The following ABCC4 variants were observed in gnomAD, a reference collection of about 807,000 sequenced individuals.
The protein encoded by ABCC4 is ATP binding cassette subfamily C member 4 (PEL blood group).
In ABCC4, 102 loss-of-function variants were observed where a neutral mutation model predicts 168.5. The ratio of observed to expected loss-of-function variants is 0.61; its 90% CI spans 0.52 to 0.71. The LOEUF is 0.71. ABCC4 is among the 30% of genes least tolerant of loss of function. The pLI, the probability that ABCC4 is intolerant of heterozygous loss-of-function variation, is 0.00. For synonymous variants in ABCC4, 617 were observed against 590.7 expected (o/e 1.04, Z -0.65); for missense variants, 1,402 against 1,605.8 (o/e 0.87, Z 2.17).
intron 1 of ABCC4, among the ~76,000 whole-genome samples, chr13:95,265,199 A>G (rs1594406984): frequency 6.6e-6 from 1 of 152,160 alleles, no homozygotes; most frequent in African/African-American, 2.4e-5. Flanking sequence ...TTCAGATAAC[A>G]AAGGAATAAT....
At chr13:95,246,676 T>C (rs898319943) in intron 3 of ABCC4, among the ~76,000 whole-genome samples, 14 of 152,198 alleles carry the variant, frequency 9.2e-5, no homozygotes, top group Admixed American at 7.9e-4. Flanking sequence ...AGCACCAACA[T>C]TGTCCTACCA....
intron 27 of ABCC4, among the ~76,000 whole-genome samples, chr13:95,051,757 C>T (rs2032847813): frequency 6.6e-6 from 1 of 152,114 alleles, no homozygotes; most frequent in African/African-American, 2.4e-5. Context: ...ACCTCCGCCT[C>T]CCAGGTTCAA....
chr13:95,257,976 C>T (rs4773862), intron 1 of ABCC4, among the ~76,000 whole-genome samples: 4,861 of 152,306 alleles, frequency 0.032, 118 homozygotes, highest in South Asian at 0.066. Context: ...CACACATAAG[C>T]CTCACTTATG....
intron 4 of ABCC4, among the ~76,000 whole-genome samples, chr13:95,222,019 T>C (rs1594327697): frequency 6.6e-6 from 1 of 152,244 alleles, no homozygotes; most frequent in East Asian, 1.9e-4. Flanking sequence ...AAACAGCAGG[T>C]CAGGTCTGAG....
intron 28 of ABCC4, 59 bp from the exon 29 acceptor site, chr13:95,043,846 T>A (rs1054728368): frequency 1.7e-6 from 2 of 1,169,168 alleles, no homozygotes; most frequent in Non-Finnish European, 2.5e-6. Flanking sequence ...ACTTAAGACT[T>A]AAAAAGCTCT....
chr13:95,193,483 G>C (rs937733651), intron 9 of ABCC4, among the ~76,000 whole-genome samples: 3 of 152,132 alleles, frequency 2.0e-5, no homozygotes, highest in African/African-American at 7.2e-5. Flanking sequence ...GCTGATCTCG[G>C]GGTGGCCTCC....
intron 20 of ABCC4, among the ~76,000 whole-genome samples, chr13:95,099,746 T>C (rs2034731549): frequency 6.6e-6 from 1 of 152,190 alleles, no homozygotes; most frequent in Non-Finnish European, 1.5e-5. Flanking sequence ...TTTGCTGCGA[T>C]GCACAAGCGG....
chr13:95,185,491 ACT>A (rs960741857), intron 11 of ABCC4, among the ~76,000 whole-genome samples: 1 of 152,182 alleles, frequency 6.6e-6, no homozygotes, highest in Non-Finnish European at 1.5e-5. Context: ...TGATTGACAG[ACT>A]CTGATATTCC....
chr13:95,040,742 G>A (rs2032321254), intron 29 of ABCC4, among the ~76,000 whole-genome samples: 1 of 152,142 alleles, frequency 6.6e-6, no homozygotes, highest in Non-Finnish European at 1.5e-5. Flanking sequence ...TGTTTCTCCA[G>A]CTGGTTCTGC....
rs9590217 is a variant in ABCC4, at chr13:95,253,659, C to T, written c.75-5906G>A. Among the ~76,000 whole-genome samples, 211 of 151,862 alleles carry T rather than the reference C, an allele frequency of 1.4e-3. 4 individuals carry two copies. In the South Asian group the frequency reaches 0.035, roughly 25 times the overall value. ...ACTCGGGAGGCTGAGGTAGGAGAAT[C>T]GCTTAAACCCAGGAGGCAGAGGTTG... On this transcript the variant is annotated intron_variant, in intron 1 of 30. Coordinates refer to ENST00000645237, the MANE Select transcript of ABCC4 (RefSeq NM_005845.5).
At chr13:95,187,255 C>T (rs72643639) in intron 10 of ABCC4, among the ~76,000 whole-genome samples, 16,051 of 152,206 alleles carry the variant, frequency 0.11, 992 homozygotes, top group East Asian at 0.2. Flanking sequence ...ATGCATTGTT[C>T]CTGCATGCGG....
rs758407958 is a variant in ABCC4 at position 95,116,005 on chromosome 13, C to A, written c.2456-4G>T. Reference sequence around the variant, plus strand: ...GAGAAACGATTTAAAATTCTTCCTGCAAGAACAGGATATGAAAAATTACTC... The same window carrying A: ...GAGAAACGATTTAAAATTCTTCCTGAAAGAACAGGATATGAAAAATTACTC... On this transcript the variant is annotated splice_polypyrimidine_tract_variant and splice_region_variant and intron_variant, in intron 19 of 30. Transcript: ENST00000645237. 1 of 1,608,906 alleles carries A rather than the reference C, an allele frequency of 6.2e-7. No homozygotes were observed. The highest frequency in any genetic ancestry group is 8.5e-7 in the Non-Finnish European group (1 of 1,177,532).
chr13:95,035,890 A>T (rs1244298677), intron 29 of ABCC4, among the ~76,000 whole-genome samples: 1 of 152,204 alleles, frequency 6.6e-6, no homozygotes, highest in African/African-American at 2.4e-5. Flanking sequence ...TTCTACATGT[A>T]GATATTGCAG....
In ABCC4 at chr13:95,194,857, A is replaced by C. The variant is rs745801097; in HGVS notation, c.1242T>G (p.Asp414Glu). Residue 414 changes from aspartate to glutamate, a missense_variant, in exon 9 of 31, where the codon GAT (aspartate) becomes GAG (glutamate). By Grantham distance (45) the Asp-to-Glu change is conservative. Coordinates refer to ENST00000645237, the MANE Select transcript of ABCC4 (RefSeq NM_005845.5). ...SDGKKMVHVQ[D>E]FTAFWDKASE... is the part of the protein sequence containing the mutation. Reference sequence around the variant, plus strand: ...TTACCTTATCCCAAAAAGCAGTAAAATCCTGCACATGCACCATCTTTTTAC... The same window carrying C: ...TTACCTTATCCCAAAAAGCAGTAAACTCCTGCACATGCACCATCTTTTTAC... 3.1e-6 allele frequency: 5 copies of C among 1,614,104 alleles called. No individual in the cohort carries two copies. Among genetic ancestry groups the C allele is most frequent in the Non-Finnish European group, 4.2e-6 (5 of 1,179,986 alleles).
chr13:95,038,731 C>T (rs1188324641), intron 29 of ABCC4, among the ~76,000 whole-genome samples: 1 of 152,160 alleles, frequency 6.6e-6, no homozygotes, highest in Non-Finnish European at 1.5e-5. Context: ...ACCCCATGCA[C>T]ACTGCCTAAA....
intron 19 of ABCC4, among the ~76,000 whole-genome samples, chr13:95,132,163 G>A (rs1189446156): frequency 2.6e-5 from 4 of 152,134 alleles, no homozygotes; most frequent in African/African-American, 4.8e-5. Context: ...ATCTGCAAAT[G>A]CTCAAGTCCA....
chr13:95,116,218 ATGTGGCCC>A (rs1245088318), intron 19 of ABCC4, among the ~76,000 whole-genome samples: 1 of 152,192 alleles, frequency 6.6e-6, no homozygotes, highest in Non-Finnish European at 1.5e-5. Flanking sequence ...GGGAGTTGAA[ATGTGGCCC>A]TGATTTTAAA....
intron 26 of ABCC4, among the ~76,000 whole-genome samples, chr13:95,057,207 T>C (rs1199528657): frequency 6.6e-6 from 1 of 152,156 alleles, no homozygotes. Flanking sequence ...TCCTGAAATT[T>C]TGAATACAAA....
intron 19 of ABCC4, among the ~76,000 whole-genome samples, chr13:95,135,275 A>G (rs1400501608): frequency 6.6e-6 from 1 of 152,234 alleles, no homozygotes; most frequent in African/African-American, 2.4e-5. Flanking sequence ...AAAAGTGAAT[A>G]ATGATATCAA....
Sources: gnomAD v4.1 joint callset for allele counts (sites outside exome capture counted in the v4.1 genomes callset) on GRCh38, gnomAD v4.1.1 for gene constraint, MANE v1.5 for transcripts, NCBI Gene and HGNC (gene_info 2026-07-23, HGNC 2026-07-21) for gene names.